DOK5: variants seen among roughly 807,000 people sequenced by gnomAD.
DOK5 encodes docking protein 5, also known as downstream of tyrosine kinase 5.
Under a neutral mutation model 43.3 loss-of-function variants are expected in DOK5, and 27 were observed. The ratio of observed to expected loss-of-function variants is 0.62; its 90% CI spans 0.46 to 0.86. The LOEUF is 0.86. DOK5 is among the 40% of genes least tolerant of loss of function. The pLI is 0.00. For synonymous variants in DOK5, 146 were observed against 140.1 expected (o/e 1.04, Z -0.30); for missense variants, 373 against 392.9 (o/e 0.95, Z 0.43).
At chr20:54,616,904 C>G (rs928141363) in intron 6 of DOK5, among the ~76,000 whole-genome samples, 1 of 151,672 alleles carries the variant, frequency 6.6e-6, no homozygotes, top group African/African-American at 2.4e-5. Context: ...ATTCTCCTGC[C>G]TCAGCCTCCC....
chr20:54,519,829 C>T (rs1284288582), intron 1 of DOK5, among the ~76,000 whole-genome samples: 1 of 152,160 alleles, frequency 6.6e-6, no homozygotes. Context: ...TGAATTCATA[C>T]TTCTTTAAGC....
At chr20:54,483,334 T>A (rs1981801472) in intron 1 of DOK5, among the ~76,000 whole-genome samples, 1 of 152,212 alleles carries the variant, frequency 6.6e-6, no homozygotes, top group Non-Finnish European at 1.5e-5. Flanking sequence ...AAGAACTTAG[T>A]TTTCATTGGA....
chr20:54,625,472 T>G (rs1344292334), intron 6 of DOK5, among the ~76,000 whole-genome samples: 2 of 152,198 alleles, frequency 1.3e-5, no homozygotes, highest in African/African-American at 2.4e-5. Context: ...TAGATTTGAG[T>G]CCATCCTTTA....
At chr20:54,585,030 A>G (rs955424715) in intron 2 of DOK5, among the ~76,000 whole-genome samples, 6 of 152,318 alleles carry the variant, frequency 3.9e-5, no homozygotes, top group South Asian at 2.1e-4. Context: ...TTTAGTTATC[A>G]TAAGTATTAC....
intron 1 of DOK5, among the ~76,000 whole-genome samples, chr20:54,479,743 C>G (rs987028422): frequency 6.6e-6 from 1 of 152,152 alleles, no homozygotes; most frequent in African/African-American, 2.4e-5. Context: ...TGTAAATTCT[C>G]CTGTCTATCC....
intron 6 of DOK5, among the ~76,000 whole-genome samples, chr20:54,627,578 G>A (rs10154005): frequency 0.061 from 9,262 of 152,294 alleles, 300 homozygotes; most frequent in Middle Eastern, 0.12. Context: ...GGTTGAAAGC[G>A]GAGAGAGCCT....
intron 5 of DOK5, among the ~76,000 whole-genome samples, chr20:54,596,193 G>A (rs898942468): frequency 4.6e-5 from 7 of 152,210 alleles, no homozygotes; most frequent in African/African-American, 1.7e-4. Context: ...AAGGTTTCAT[G>A]TCTGCCTTGC....
chr20:54,633,052 C>T (rs1978644469), intron 6 of DOK5, among the ~76,000 whole-genome samples: 1 of 151,842 alleles, frequency 6.6e-6, no homozygotes, highest in Non-Finnish European at 1.5e-5. Context: ...GCCTGGGTGA[C>T]AAGAGCAAAA....
intron 5 of DOK5, among the ~76,000 whole-genome samples, chr20:54,605,020 T>C (rs564667740): frequency 0.082 from 7,979 of 96,822 alleles, 816 homozygotes; most frequent in African/African-American, 0.32. Flanking sequence ...AAAATATATA[T>C]ATATACACAC....
In DOK5 at chr20:54,491,664, C is replaced by T. The variant is rs191307067; in HGVS notation, c.66+15652C>T. Among the ~76,000 whole-genome samples, 348 of 152,302 alleles carry T rather than the reference C, an allele frequency of 2.3e-3. 2 individuals carry two copies. Among genetic ancestry groups the T allele is most frequent in the Middle Eastern group, 0.01 (3 of 294 alleles). On this transcript the variant is annotated intron_variant, in intron 1 of 7. Transcript: ENST00000262593. ...TCCTTCCCCCACCAGCTGTTCACCT[C>T]TGCACAGGAAGGGTGACTGTGGTTG...
intron 6 of DOK5, among the ~76,000 whole-genome samples, chr20:54,615,460 AAG>A (rs1168320395): frequency 6.6e-6 from 1 of 152,144 alleles, no homozygotes; most frequent in Non-Finnish European, 1.5e-5. Context: ...AGAGGGAAAC[AAG>A]AGGAGTCAAA....
chr20:54,508,827 C>T (rs938859411), intron 1 of DOK5, among the ~76,000 whole-genome samples: 5 of 151,054 alleles, frequency 3.3e-5, no homozygotes, highest in Non-Finnish European at 7.4e-5. Context: ...TGATCTGCAC[C>T]CCTTGGCCTC....
At chr20:54,512,496 T>C (rs1983046663) in intron 1 of DOK5, among the ~76,000 whole-genome samples, 1 of 152,208 alleles carries the variant, frequency 6.6e-6, no homozygotes, top group South Asian at 2.1e-4. Context: ...TTGTCATTTA[T>C]ACACAGTTTA....
chr20:54,496,183 A>G (rs1982383885), intron 1 of DOK5, among the ~76,000 whole-genome samples: 1 of 152,222 alleles, frequency 6.6e-6, no homozygotes, highest in Admixed American at 6.5e-5. Flanking sequence ...AGAATGGGTC[A>G]ACTTTCTGCA....
intron 6 of DOK5, among the ~76,000 whole-genome samples, chr20:54,634,595 C>T (rs1978736900): frequency 6.6e-6 from 1 of 151,902 alleles, no homozygotes; most frequent in African/African-American, 2.4e-5. Context: ...GCGCCCGCCA[C>T]CATGCCCGGC....
intron 1 of DOK5, among the ~76,000 whole-genome samples, chr20:54,544,828 G>A (rs1330838675): frequency 2.6e-5 from 4 of 152,138 alleles, no homozygotes; most frequent in Non-Finnish European, 5.9e-5. Flanking sequence ...CAATGCAAAA[G>A]CCTGAGAAGA....
At chr20:54,647,927 A>G (rs1188821202) in intron 7 of DOK5, among the ~76,000 whole-genome samples, 1 of 152,124 alleles carries the variant, frequency 6.6e-6, no homozygotes, top group African/African-American at 2.4e-5. Flanking sequence ...GAAATCTCAG[A>G]TTTCATCATT....
chr20:54,546,947 C>A (rs1008091887), intron 1 of DOK5, among the ~76,000 whole-genome samples: 15 of 152,096 alleles, frequency 9.9e-5, no homozygotes, highest in Non-Finnish European at 2.1e-4. Context: ...GGAGTAGAAT[C>A]TTGGCTTATG....
intron 5 of DOK5, among the ~76,000 whole-genome samples, chr20:54,598,050 A>G (rs1986194386): frequency 6.6e-6 from 1 of 152,078 alleles, no homozygotes; most frequent in Non-Finnish European, 1.5e-5. Flanking sequence ...AACCCCCTGT[A>G]TGTTCTCTTA....
Sources: allele counts gnomAD v4.1 joint callset (sites outside exome capture counted in the v4.1 genomes callset), GRCh38; gene constraint gnomAD v4.1.1; transcripts MANE v1.5; gene names NCBI Gene and HGNC (gene_info 2026-07-23, HGNC 2026-07-21).